Variants in GRB10 observed in about 807,000 individuals in gnomAD.
GRB10 encodes the protein growth factor receptor bound protein 10, also known as growth factor receptor-bound protein 10.
GRB10 carries 20 observed loss-of-function variants against 80.9 expected under a neutral mutation model. That is an observed-to-expected ratio of 0.25 (90% CI 0.17 to 0.36). The LOEUF (loss-of-function observed/expected upper bound fraction) is 0.36, where lower values mean the gene tolerates loss of function less well. Ranked by LOEUF, GRB10 falls within the 10% of genes least tolerant of loss-of-function variation. GRB10 has a pLI of 1.00. For missense variants in GRB10, 548 were observed against 747.7 expected, an observed-to-expected ratio of 0.73 and a Z score of 3.12; for synonymous variants, 291 against 291.5, an observed-to-expected ratio of 1.00 and a Z score of 0.02.
intron 5 of GRB10, among the ~76,000 whole-genome samples, chr7:50,682,216 A>G (rs1404099494): frequency 1.3e-5 from 2 of 152,188 alleles, no homozygotes; most frequent in African/African-American, 4.8e-5. Flanking sequence ...TAAACACAGC[A>G]ATTTTAGGAG....
intron 5 of GRB10, among the ~76,000 whole-genome samples, chr7:50,698,859 C>A (rs1221337178): frequency 6.6e-6 from 1 of 152,208 alleles, no homozygotes; most frequent in African/African-American, 2.4e-5. Flanking sequence ...TTGGCTGCAA[C>A]TGTATTAAAT....
At chr7:50,631,428 T>G (rs17544866) in intron 7 of GRB10, among the ~76,000 whole-genome samples, 1 of 152,080 alleles carries the variant, frequency 6.6e-6, no homozygotes. Flanking sequence ...CCGAGACATC[T>G]GAGGGCTTCT....
At chr7:50,768,682 G>A (rs192632512) in intron 2 of GRB10, among the ~76,000 whole-genome samples, 48 of 152,320 alleles carry the variant, frequency 3.2e-4, no homozygotes, top group Admixed American at 2.9e-3. Context: ...CAAGATCGTA[G>A]AATGATGATC....
intron 14 of GRB10, 109 bp from the exon 15 acceptor site, chr7:50,605,515 G>T: frequency 1.1e-6 from 1 of 915,134 alleles, no homozygotes; most frequent in Non-Finnish European, 1.8e-6. Flanking sequence ...GGGAATGCCT[G>T]CTTTCTACCT....
chr7:50,752,137 G>A (rs544468204), intron 3 of GRB10, among the ~76,000 whole-genome samples: 7 of 152,148 alleles, frequency 4.6e-5, no homozygotes, highest in South Asian at 4.2e-4. Flanking sequence ...CCCACGTGAG[G>A]CAGAAACAAG....
chr7:50,671,325 C>A (rs1488333009), intron 6 of GRB10, among the ~76,000 whole-genome samples: 1 of 152,202 alleles, frequency 6.6e-6, no homozygotes, highest in Non-Finnish European at 1.5e-5. Context: ...TACGATTTCA[C>A]AAAATCAACA....
chr7:50,735,653 T>A (rs551397197), intron 3 of GRB10, among the ~76,000 whole-genome samples: 3 of 152,202 alleles, frequency 2.0e-5, no homozygotes, highest in Non-Finnish European at 4.4e-5. Flanking sequence ...AAAAAGTTTA[T>A]GAAAATCTTA....
chr7:50,751,184 C>T (rs1335922850), intron 3 of GRB10, among the ~76,000 whole-genome samples: 8 of 152,100 alleles, frequency 5.3e-5, no homozygotes, highest in Admixed American at 5.2e-4. Context: ...TCCAGGTAGA[C>T]CCACAGCCAT....
rs565711279 is a variant in GRB10, at chr7:50,791,646, C to T, written c.-294+1578G>A. 3.9e-4 allele frequency among the ~76,000 whole-genome samples: 59 copies of T among 152,316 alleles called. 1 individual carries two copies. The South Asian group carries it at 0.012, about 32-fold the overall frequency. ...TGTGAAATGCTACAGAAGTATCAGTCGCTACACTTCTCAGTTACAGGAGCA... is the reference window on the plus strand; with the variant it reads ...TGTGAAATGCTACAGAAGTATCAGTTGCTACACTTCTCAGTTACAGGAGCA... On this transcript the variant is annotated intron_variant, in intron 1 of 16. Transcript: ENST00000335866.
chr7:50,669,689 C>T (rs770965122), intron 7 of GRB10, 33 bp downstream of exon 7: 1 of 1,606,572 alleles, frequency 6.2e-7, no homozygotes, highest in East Asian at 2.2e-5. Context: ...TGGCATATCC[C>T]TCAGCCTGGG....
chr7:50,732,709 T>A (rs978188351), intron 3 of GRB10, among the ~76,000 whole-genome samples: 8 of 152,186 alleles, frequency 5.3e-5, no homozygotes, highest in Non-Finnish European at 1.2e-4. Flanking sequence ...ATTAACACCC[T>A]GCAAACTTCA....
chr7:50,610,375 C>CA (rs1417072276), intron 13 of GRB10, among the ~76,000 whole-genome samples: 1 of 152,256 alleles, frequency 6.6e-6, no homozygotes, highest in Non-Finnish European at 1.5e-5. Context: ...GCCCCGAGGC[C>CA]ATCACTGCCA....
intron 8 of GRB10, among the ~76,000 whole-genome samples, chr7:50,625,369 G>A (rs1256795168): frequency 6.6e-6 from 1 of 151,948 alleles, no homozygotes; most frequent in Non-Finnish European, 1.5e-5. Flanking sequence ...AAACTATACA[G>A]ACTTGTTTTT....
chr7:50,616,308 A>C lies in GRB10; in HGVS notation c.886T>G (p.Phe296Val), dbSNP rs978384228. The change falls in exon 11 of 19, where the codon TTT becomes GTT. Residue 296 changes from phenylalanine (F) to valine (V), a missense_variant. By Grantham distance (50) the Phe-to-Val change is conservative (BLOSUM62 -1). Around this residue, in one of 4 missense-constraint regions of GRB10, gnomAD observed 270 missense variants for 433.6 expected, o/e 0.62. Transcript: ENST00000401949. ...NSSSCPEIQG[F>V]LHVKELGKKS... Reference sequence around the variant, plus strand: ...TTTCCCAGCTCTTTCACATGCAAAAACCCTTGAATTTCAGGACAACTACTG... The same window carrying C: ...TTTCCCAGCTCTTTCACATGCAAAACCCCTTGAATTTCAGGACAACTACTG... The C allele has an allele frequency of 1.2e-6, 2 of 1,613,984 alleles. No homozygotes were observed. The highest frequency in any genetic ancestry group is 1.3e-5 in the African/African-American group (1 of 74,894).
chr7:50,716,976 G>A (rs1282935949), intron 4 of GRB10, among the ~76,000 whole-genome samples: 1 of 152,200 alleles, frequency 6.6e-6, no homozygotes, highest in Non-Finnish European at 1.5e-5. Flanking sequence ...GAAAATAAAG[G>A]CTGCAGCCAG....
intron 13 of GRB10, among the ~76,000 whole-genome samples, chr7:50,611,952 A>T (rs542368706): frequency 1.3e-5 from 2 of 152,304 alleles, no homozygotes; most frequent in East Asian, 3.9e-4. Flanking sequence ...GACTCTGTAG[A>T]CTTAATTCCA....
chr7:50,753,353 C>A (rs1426544287), intron 3 of GRB10, among the ~76,000 whole-genome samples: 4 of 152,222 alleles, frequency 2.6e-5, no homozygotes, highest in Non-Finnish European at 4.4e-5. Flanking sequence ...ACATTCCTTG[C>A]AGGCAGGAGC....
chr7:50,631,469 C>T (rs2053991981), intron 7 of GRB10, among the ~76,000 whole-genome samples: 1 of 152,128 alleles, frequency 6.6e-6, no homozygotes, highest in South Asian at 2.1e-4. Context: ...CAGTTTCATC[C>T]CAGTGCTTAA....
At position 50,691,792 on chromosome 7, in the gene GRB10, A is replaced by T. The variant is rs568838966; in HGVS notation, c.139+12029T>A. 2.0e-5 allele frequency among the ~76,000 whole-genome samples: 3 copies of T among 152,304 alleles called. No homozygotes were observed. The East Asian group carries it at 5.8e-4, about 29-fold the overall frequency. ...ATCTCAACCCGAATAGAAGGTATTT[A>T]GTGTCTGGGGTGGGGGCAGTCACAG... On this transcript the variant is annotated intron_variant, in intron 5 of 18. Coordinates refer to ENST00000401949, the MANE Select transcript of GRB10 (RefSeq NM_001350814.2).
Sources: allele counts gnomAD v4.1 joint callset (sites outside exome capture counted in the v4.1 genomes callset), GRCh38; gene constraint gnomAD v4.1.1; regional missense constraint gnomAD v4.1.1; transcripts MANE v1.5; gene names NCBI Gene and HGNC (gene_info 2026-07-23, HGNC 2026-07-21).